Variants in STAG1 observed in about 807,000 individuals in gnomAD.
The protein encoded by STAG1 is STAG1 cohesin complex component.
STAG1 carries 26 observed loss-of-function variants against 170.9 expected under a neutral mutation model. That is an observed-to-expected ratio of 0.15 (90% CI 0.11 to 0.21). The LOEUF (loss-of-function observed/expected upper bound fraction) is 0.21, where lower values mean the gene tolerates loss of function less well. Among genes scored for constraint, STAG1 ranks in the 10% least tolerant of loss-of-function variants. The pLI, the probability that STAG1 is intolerant of heterozygous loss-of-function variation, is 1.00. For synonymous variants in STAG1, 514 were observed against 497.7 expected (o/e 1.03, Z -0.44); for missense variants, 964 against 1,509.5 (o/e 0.64, Z 5.99).
chr3:136,496,336 C>A (rs560394943), intron 9 of STAG1, among the ~76,000 whole-genome samples: 2 of 152,266 alleles, frequency 1.3e-5, no homozygotes, highest in African/African-American at 4.8e-5. Flanking sequence ...ACCTTATTTT[C>A]TTGAGGTATA....
chr3:136,437,397 G>A (rs1337472928), intron 15 of STAG1, among the ~76,000 whole-genome samples: 1 of 152,094 alleles, frequency 6.6e-6, no homozygotes, highest in African/African-American at 2.4e-5. Context: ...AAGCAAACAA[G>A]CCTTAAGCCA....
intron 6 of STAG1, among the ~76,000 whole-genome samples, chr3:136,522,608 T>A (rs899382578): frequency 6.6e-6 from 1 of 152,186 alleles, no homozygotes; most frequent in African/African-American, 2.4e-5. Flanking sequence ...CTAGGGTACA[T>A]GTGCACAACG....
At chr3:136,553,460 A>G (rs375434221) in intron 5 of STAG1, among the ~76,000 whole-genome samples, 2 of 152,240 alleles carry the variant, frequency 1.3e-5, no homozygotes, top group South Asian at 2.1e-4. Flanking sequence ...TGAAACTCAG[A>G]AAACCAGAAA....
chr3:136,625,741 T>C (rs1217286135), intron 2 of STAG1, among the ~76,000 whole-genome samples: 1 of 152,218 alleles, frequency 6.6e-6, no homozygotes, highest in Non-Finnish European at 1.5e-5. Flanking sequence ...CTCCCCATGA[T>C]AATCTCAATT....
chr3:136,486,446 A>T (rs891005696), intron 9 of STAG1, among the ~76,000 whole-genome samples: 4 of 152,232 alleles, frequency 2.6e-5, no homozygotes, highest in Non-Finnish European at 5.9e-5. Context: ...CTCAAAAACC[A>T]AAACACAACT....
At chr3:136,372,550 T>TA in intron 23 of STAG1, among the ~76,000 whole-genome samples, 1 of 152,346 alleles carries the variant, frequency 6.6e-6, no homozygotes, top group South Asian at 2.1e-4. Context: ...TGAGAGTTTT[T>TA]AGTATGAAGG....
intron 21 of STAG1, among the ~76,000 whole-genome samples, chr3:136,411,587 C>T (rs891212791): frequency 6.6e-6 from 1 of 151,996 alleles, no homozygotes; most frequent in Non-Finnish European, 1.5e-5. Flanking sequence ...AATTCATTAG[C>T]ACAGAAAAGG....
chr3:136,342,542 C>T (rs1000104173), intron 30 of STAG1, among the ~76,000 whole-genome samples: 6 of 152,294 alleles, frequency 3.9e-5, no homozygotes, highest in South Asian at 2.1e-4. Flanking sequence ...AGTGCAGTGG[C>T]GCGATTTTGG....
At chr3:136,569,590 G>C (rs1461111099) in intron 4 of STAG1, among the ~76,000 whole-genome samples, 1 of 152,022 alleles carries the variant, frequency 6.6e-6, no homozygotes, top group Admixed American at 6.6e-5. Context: ...TAATGCAAAA[G>C]TTAGCAAAAT....
At chr3:136,593,501 T>G (rs77752967) in intron 4 of STAG1, among the ~76,000 whole-genome samples, 1 of 152,176 alleles carries the variant, frequency 6.6e-6, no homozygotes, top group African/African-American at 2.4e-5. Flanking sequence ...AAATCCAGTT[T>G]TGAAAAACAT....
intron 1 of STAG1, among the ~76,000 whole-genome samples, chr3:136,651,969 G>C (rs1241927018): frequency 2.6e-5 from 4 of 152,148 alleles, no homozygotes; most frequent in African/African-American, 9.7e-5. Flanking sequence ...TCAGAATGAA[G>C]GAAAAAGGAT....
Position 136,539,093 on chromosome 3 carries a change from C to T in STAG1, c.471+3026G>A, listed in dbSNP as rs563064260. 6.6e-5 allele frequency among the ~76,000 whole-genome samples: 10 copies of T among 150,842 alleles called. No homozygotes were observed. The South Asian group carries it at 1.9e-3, about 28-fold the overall frequency. On this transcript the variant is annotated intron_variant, in intron 6 of 33. Coordinates refer to ENST00000383202, the MANE Select transcript of STAG1 (RefSeq NM_005862.3). ...AGCTTGCAGTGAGCCGAGATTGCAT[C>T]ATTGCACTCTAGCCTGGGCGACAGA... is the stretch of plus-strand genomic sequence containing the variant.
At chr3:136,711,751 T>G (rs540309972) in intron 1 of STAG1, among the ~76,000 whole-genome samples, 1 of 152,264 alleles carries the variant, frequency 6.6e-6, no homozygotes, top group East Asian at 1.9e-4. Flanking sequence ...GCAAAAGTTT[T>G]TTTGTTTGTT....
At chr3:136,495,563 T>A (rs1014798663) in intron 9 of STAG1, among the ~76,000 whole-genome samples, 1 of 152,124 alleles carries the variant, frequency 6.6e-6, no homozygotes, top group Non-Finnish European at 1.5e-5. Context: ...GATGGCACGG[T>A]GGCTCATGTC....
intron 3 of STAG1, among the ~76,000 whole-genome samples, chr3:136,618,914 T>A (rs1348686820): frequency 1.3e-5 from 2 of 150,922 alleles, no homozygotes; most frequent in African/African-American, 2.4e-5. Context: ...ATACTGAATT[T>A]AAAAAAAAAG....
At chr3:136,735,522 C>T (rs1022794184) in intron 1 of STAG1, among the ~76,000 whole-genome samples, 4 of 151,640 alleles carry the variant, frequency 2.6e-5, no homozygotes, top group Admixed American at 6.6e-5. Flanking sequence ...CTGGAACCTC[C>T]GCCTCCTGGG....
intron 13 of STAG1, among the ~76,000 whole-genome samples, chr3:136,458,136 TG>T (rs2089170687): frequency 6.6e-6 from 1 of 152,072 alleles, no homozygotes; most frequent in African/African-American, 2.4e-5. Flanking sequence ...TTTTTTTCTG[TG>T]TTTTTTTTCT....
At chr3:136,631,493 G>T (rs1333604126) in intron 1 of STAG1, among the ~76,000 whole-genome samples, 1 of 152,156 alleles carries the variant, frequency 6.6e-6, no homozygotes. Flanking sequence ...TGTAAAAACA[G>T]CAGGAGTCCA....
chr3:136,443,412 G>A lies in STAG1; in HGVS notation c.1429-8C>T, dbSNP rs1559804299. The A allele has an allele frequency of 3.8e-6, 6 of 1,580,302 alleles. No homozygotes were observed. The highest frequency in any genetic ancestry group is 1.7e-4 in the Middle Eastern group (1 of 5,960). On this transcript the variant is annotated splice_region_variant and splice_polypyrimidine_tract_variant and intron_variant, in intron 14 of 33. Transcript: ENST00000383202. ...GGCTGCATGTTCATGTAACTAAAAA[G>A]AAAAAATCAAGTGTGACCAAAGAAT...
Sources: allele counts gnomAD v4.1 joint callset (sites outside exome capture counted in the v4.1 genomes callset), GRCh38; gene constraint gnomAD v4.1.1; transcripts MANE v1.5; gene names NCBI Gene and HGNC (gene_info 2026-07-23, HGNC 2026-07-21).